VDR: variants seen among roughly 807,000 people sequenced by gnomAD.
VDR encodes vitamin D receptor.
VDR carries 19 observed loss-of-function variants against 39.7 expected under a neutral mutation model. The ratio of observed to expected loss-of-function variants is 0.48; its 90% CI spans 0.33 to 0.70. The LOEUF is 0.70. Among genes scored for constraint, VDR ranks in the 30% least tolerant of loss-of-function variants. The probability of loss-of-function intolerance (pLI) is 0.02; values close to 1 mark genes in which losing one functional copy is unlikely to be tolerated. For synonymous variants in VDR, 242 were observed against 215.8 expected (o/e 1.12, Z -1.07); for missense variants, 442 against 570.5 (o/e 0.77, Z 2.29).
intron 7 of VDR, among the ~76,000 whole-genome samples, chr12:47,851,512 C>T (rs1437642690): frequency 6.6e-6 from 1 of 152,212 alleles, no homozygotes; most frequent in Non-Finnish European, 1.5e-5. Context: ...CTGCCTTCCC[C>T]ACACCCTCCG....
chr12:47,881,155 C>T (rs1322260787), intron 2 of VDR, among the ~76,000 whole-genome samples: 1 of 151,246 alleles, frequency 6.6e-6, no homozygotes, highest in Non-Finnish European at 1.5e-5. Flanking sequence ...CACACGTATA[C>T]TGTCCTTTTT....
chr12:47,846,793 C>T lies in VDR; in HGVS notation c.771G>A (p.Glu257=), dbSNP rs369210822. Residue 257 remains glutamate, a synonymous_variant, in exon 8 of 10, where the codon GAG becomes GAA. Coordinates refer to ENST00000549336, the MANE Select transcript of VDR (RefSeq NM_000376.3). ...MIPGFRDLTS[E]DQIVLLKSSA... The stretch of plus-strand genomic sequence containing the variant: ...TTGACTTCAGCAGTACGATCTGGTC[C>T]TCAGAGGTGAGGTCTCTGCAGGGGA... 5 of 1,614,048 alleles carry T rather than the reference C, an allele frequency of 3.1e-6. No homozygotes were observed. The African/African-American group carries it at 4.0e-5, about 13-fold the overall frequency.
At position 47,844,304 on chromosome 12, in the gene VDR, A is replaced by C; in HGVS notation, c.*442T>G. On this transcript the variant is annotated 3_prime_UTR_variant, in exon 10 of 10. Transcript: ENST00000549336. ...TGTGGGCCGATTATTTATCGTGAGTAGGCAGGAGAGGGAGACCCCACTAGG... is the reference window on the plus strand; with the variant it reads ...TGTGGGCCGATTATTTATCGTGAGTCGGCAGGAGAGGGAGACCCCACTAGG... 3.8e-6 allele frequency: 1 copy of C among 263,868 alleles called. No individual in the cohort carries two copies. Among genetic ancestry groups the C allele is most frequent in the South Asian group, 5.1e-5 (1 of 19,520 alleles). 16.3% of individuals were successfully genotyped at this position (263,868 alleles called of 1,614,324 possible).
At chr12:47,859,453 C>T (rs765481578) in intron 4 of VDR, among the ~76,000 whole-genome samples, 3 of 152,206 alleles carry the variant, frequency 2.0e-5, no homozygotes, top group Non-Finnish European at 4.4e-5. Flanking sequence ...ACATGACCTG[C>T]TCATGCTCGC....
At chr12:47,875,797 G>A (rs759948351) in intron 3 of VDR, among the ~76,000 whole-genome samples, 2 of 152,154 alleles carry the variant, frequency 1.3e-5, no homozygotes, top group African/African-American at 4.8e-5. Flanking sequence ...ACATAACCTT[G>A]TCTTATGTGA....
chr12:47,879,316 T>G (rs369298126), intron 2 of VDR, among the ~76,000 whole-genome samples: 1 of 151,162 alleles, frequency 6.6e-6, no homozygotes, highest in Admixed American at 6.6e-5. Flanking sequence ...TCGCCCTACA[T>G]AGCTGGCTCA....
chr12:47,887,681 G>A (rs1198369914), intron 1 of VDR, among the ~76,000 whole-genome samples: 3 of 152,272 alleles, frequency 2.0e-5, no homozygotes, highest in Non-Finnish European at 2.9e-5. Flanking sequence ...AGGGCCCATG[G>A]AGCAGTGTGA....
chr12:47,871,909 CACACACACAT>C (rs1945889682), intron 3 of VDR, among the ~76,000 whole-genome samples: 1 of 152,212 alleles, frequency 6.6e-6, no homozygotes, highest in African/African-American at 2.4e-5. Flanking sequence ...GACGTGTGTG[CACACACACAT>C]ACACACACAC....
rs1945280243 is a variant in VDR at position 47,846,388 on chromosome 12, T to G, written c.971A>C (p.Asn324Thr). Reference protein sequence around the residue: ...IKFQVGLKKLNLHEEEHVLLM... With the variant: ...IKFQVGLKKLTLHEEEHVLLM... ...CAGGACATGCTCCTCCTCATGCAAG[T>G]TCAGCTTCTTCAGTCCCACCTGGAA... The change falls in exon 9 of 10, where the codon AAC becomes ACC. Residue 324 changes from asparagine to threonine, a missense_variant. Coordinates refer to ENST00000549336, the MANE Select transcript of VDR (RefSeq NM_000376.3). The G allele has an allele frequency of 1.3e-6, 2 of 1,587,010 alleles. No homozygotes were observed. The highest frequency in any genetic ancestry group is 2.7e-5 in the African/African-American group (2 of 74,166).
At chr12:47,886,831 C>G (rs893537706) in intron 1 of VDR, among the ~76,000 whole-genome samples, 3 of 152,240 alleles carry the variant, frequency 2.0e-5, no homozygotes, top group Non-Finnish European at 4.4e-5. Context: ...GCAATCCACT[C>G]TCTTTGGATG....
chr12:47,879,277 A>T (rs11168277), intron 2 of VDR, among the ~76,000 whole-genome samples, 162 bp from the exon 3 acceptor site: 1 of 146,352 alleles, frequency 6.8e-6, no homozygotes, highest in Non-Finnish European at 1.5e-5. Context: ...AGGCCTGAGC[A>T]CAGTGCCTTC....
At chr12:47,869,580 T>C (rs1592124029) in intron 3 of VDR, among the ~76,000 whole-genome samples, 1 of 143,538 alleles carries the variant, frequency 7.0e-6, no homozygotes, top group African/African-American at 2.6e-5. Flanking sequence ...GAGAAAATAG[T>C]GCAGAGCTGA....
rs181994985 is a variant in VDR, at chr12:47,883,560, T to C, written c.-83-786A>G. 2.5e-3 allele frequency among the ~76,000 whole-genome samples: 385 copies of C among 152,254 alleles called. 1 individual carries two copies. Among genetic ancestry groups the C allele is most frequent in the African/African-American group, 8.1e-3 (337 of 41,538 alleles). ...AGGAGGGATGGGCAGAATAGTATCC[T>C]TTCCACTTCCACTCACACCCGGCCC... On this transcript the variant is annotated intron_variant, in intron 1 of 9. Coordinates refer to ENST00000549336, the MANE Select transcript of VDR (RefSeq NM_000376.3).
intron 3 of VDR, among the ~76,000 whole-genome samples, chr12:47,872,950 G>A (rs1378156958): frequency 6.6e-6 from 1 of 152,288 alleles, no homozygotes; most frequent in East Asian, 1.9e-4. Flanking sequence ...AAAAAGGCAC[G>A]GGAAAGTTAA....
chr12:47,873,074 C>T (rs1945916231), intron 3 of VDR, among the ~76,000 whole-genome samples: 1 of 152,212 alleles, frequency 6.6e-6, no homozygotes, highest in Non-Finnish European at 1.5e-5. Context: ...CCACCCAAAT[C>T]CCATCTCGAA....
intron 2 of VDR, among the ~76,000 whole-genome samples, 172 bp from the exon 3 acceptor site, chr12:47,879,287 C>T (rs973064760): frequency 1.3e-5 from 2 of 150,494 alleles, no homozygotes; most frequent in African/African-American, 4.9e-5. Flanking sequence ...ACAGTGCCTT[C>T]GGAGCCCTCA....
Position 47,873,552 on chromosome 12 carries a change from G to A in VDR, c.146+5416C>T, listed in dbSNP as rs1218821852. 4.7e-5 allele frequency among the ~76,000 whole-genome samples: 7 copies of A among 150,516 alleles called. No individual in the cohort carries two copies. In the South Asian group the frequency reaches 1.1e-3, roughly 23 times the overall value. On this transcript the variant is annotated intron_variant, in intron 3 of 9. Coordinates refer to ENST00000549336, the MANE Select transcript of VDR (RefSeq NM_000376.3). Reference sequence around the variant, plus strand: ...AATTTTTTGTATTTTTAGTAGAGACGGGGTTTCACCGTGTTAGCCAGGATG... The same window carrying A: ...AATTTTTTGTATTTTTAGTAGAGACAGGGTTTCACCGTGTTAGCCAGGATG...
intron 7 of VDR, among the ~76,000 whole-genome samples, chr12:47,853,430 G>A (rs553067455): frequency 6.5e-5 from 9 of 138,476 alleles, no homozygotes; most frequent in Non-Finnish European, 1.2e-4. Flanking sequence ...GCGACAGAGC[G>A]AGACTCTGCC....
intron 1 of VDR, among the ~76,000 whole-genome samples, chr12:47,887,836 G>A (rs1272334283): frequency 1.3e-5 from 2 of 152,208 alleles, no homozygotes; most frequent in Non-Finnish European, 2.9e-5. Flanking sequence ...CTGAACGATG[G>A]GAAATTCAGT....
Sources: allele counts gnomAD v4.1 joint callset (sites outside exome capture counted in the v4.1 genomes callset), GRCh38; gene constraint gnomAD v4.1.1; transcripts MANE v1.5; gene names NCBI Gene and HGNC (gene_info 2026-07-23, HGNC 2026-07-21).